Variants in DMD observed in about 807,000 individuals in gnomAD.
The protein encoded by DMD is dystrophin.
In DMD, 63 loss-of-function variants were observed where a neutral mutation model predicts 330.1. The ratio of observed to expected loss-of-function variants is 0.19; its 90% CI spans 0.16 to 0.24. The LOEUF (loss-of-function observed/expected upper bound fraction) is 0.24, where lower values mean the gene tolerates loss of function less well. DMD is among the 10% of genes least tolerant of loss of function. The probability of loss-of-function intolerance (pLI) is 1.00; values close to 1 mark genes in which losing one functional copy is unlikely to be tolerated. For missense variants in DMD, 3,344 were observed against 2,684.1 expected (o/e 1.25, Z -5.43); for synonymous variants, 1,223 against 959.8 (o/e 1.27, Z -5.07).
chrX:31,961,804 C>T (rs1318851178), intron 45 of DMD, among the ~76,000 whole-genome samples: 1 of 77,776 alleles, frequency 1.3e-5, no homozygotes, highest in Admixed American at 1.8e-4. Context: ...AGCTGAAGAA[C>T]AGAAAACTTC....
intron 63 of DMD, among the ~76,000 whole-genome samples, chrX:31,257,924 G>T (rs1294621546): frequency 9.0e-6 from 1 of 111,631 alleles, no homozygotes; most frequent in African/African-American, 3.3e-5. Flanking sequence ...TCCAGCCTGG[G>T]TGACAGAGTG....
chrX:31,623,554 A>G (rs28417357), intron 55 of DMD, among the ~76,000 whole-genome samples: 42,995 of 111,066 alleles, frequency 0.39, 6,617 homozygotes, highest in African/African-American at 0.56. Flanking sequence ...GAGCCACCAC[A>G]CCCAATTTTA....
intron 74 of DMD, 26 bp from the exon 75 acceptor site, chrX:31,147,544 GAA>G: frequency 5.4e-6 from 5 of 930,767 alleles, no homozygotes; most frequent in Non-Finnish European, 7.1e-6. Flanking sequence ...AAGTAAAAAA[GAA>G]AAAAAAAGAA....
At chrX:31,922,075 A>G (rs2094697344) in intron 47 of DMD, among the ~76,000 whole-genome samples, 1 of 110,599 alleles carries the variant, frequency 9.0e-6, no homozygotes, top group Admixed American at 9.6e-5. Context: ...CTCTCCTTTC[A>G]CTTTAATGTT....
At chrX:32,057,117 C>T (rs2096182426) in intron 44 of DMD, among the ~76,000 whole-genome samples, 1 of 110,772 alleles carries the variant, frequency 9.0e-6, no homozygotes, top group African/African-American at 3.3e-5. Flanking sequence ...GAAATTACCG[C>T]AACATAATAA....
chrX:31,833,342 GGA>G (rs2093112809), intron 49 of DMD, among the ~76,000 whole-genome samples: 2 of 37,295 alleles, frequency 5.4e-5, no homozygotes, highest in Non-Finnish European at 9.8e-5. Flanking sequence ...GGGAGAGAGT[GGA>G]GAGGGAGGGA....
chrX:31,136,484 A>G (rs1238854813), intron 76 of DMD, among the ~76,000 whole-genome samples: 1 of 112,154 alleles, frequency 8.9e-6, no homozygotes, highest in East Asian at 2.8e-4. Flanking sequence ...TACTGATGCA[A>G]ATTTTTGCGG....
chrX:33,211,570 C>T (rs1340523201), upstream of DMD: 4 of 1,010,225 alleles, frequency 4.0e-6, no homozygotes, highest in East Asian at 4.0e-5. Context: ...TGTAGAGGCC[C>T]CCGGATATTT....
At position 33,269,094 on chromosome X, in the gene DMD, C is replaced by A. The variant is rs772804549; in HGVS notation, c.7+70165G>T. The stretch of plus-strand genomic sequence containing the variant: ...CAGCAATCCCATTACTGAGTATATA[C>A]CCAAAGGAAAATAGATCATTTTATC... On this transcript the variant is annotated intron_variant, in intron 1 of 17. Coordinates refer to the DMD transcript ENST00000288447. Among the ~76,000 whole-genome samples, 16 of 110,444 alleles carry A rather than the reference C, an allele frequency of 1.4e-4. No individual in the cohort carries two copies. The South Asian group carries it at 6.2e-3, about 43-fold the overall frequency.
chrX:32,655,797 G>C (rs769514049), intron 9 of DMD, among the ~76,000 whole-genome samples: 1 of 111,042 alleles, frequency 9.0e-6, no homozygotes, highest in Non-Finnish European at 1.9e-5. Context: ...GGTCTATAAG[G>C]ACTTGCTTTA....
At chrX:33,205,684 AG>A (rs2051526949) in intron 1 of DMD, among the ~76,000 whole-genome samples, 1 of 112,358 alleles carries the variant, frequency 8.9e-6, no homozygotes, top group Non-Finnish European at 1.9e-5. Flanking sequence ...AGCCAAGAAG[AG>A]GGTAAAAACA....
At chrX:31,742,452 A>G (rs1228761964) in intron 51 of DMD, among the ~76,000 whole-genome samples, 2 of 112,070 alleles carry the variant, frequency 1.8e-5, no homozygotes, top group Non-Finnish European at 3.8e-5. Flanking sequence ...TGACTGGCAT[A>G]ATTTCAATAT....
intron 44 of DMD, among the ~76,000 whole-genome samples, chrX:31,993,588 G>T (rs1255050991): frequency 9.0e-6 from 1 of 111,492 alleles, no homozygotes; most frequent in South Asian, 3.8e-4. Context: ...TTTTGAGACT[G>T]TATTATGTGA....
At chrX:32,820,162 G>A (rs781755951) in intron 5 of DMD, among the ~76,000 whole-genome samples, 2 of 112,555 alleles carry the variant, frequency 1.8e-5, no homozygotes, top group Non-Finnish European at 3.8e-5. Context: ...AAAATGGGCT[G>A]GGTGCGGTGG....
At chrX:32,379,711 T>A (rs2097917312) in intron 34 of DMD, among the ~76,000 whole-genome samples, 1 of 111,471 alleles carries the variant, frequency 9.0e-6, no homozygotes, top group Non-Finnish European at 1.9e-5. Context: ...TATTGAAAAT[T>A]TCCCAACTTT....
rs772957337 is a variant in DMD at position 32,463,447 on chromosome X, A to G, written c.3424T>C (p.Cys1142Arg). ...KELNTQWDHM[C>R]QQVYARKEAL... ...AAAGAGATTGTCTATACCTGTTGGC[A>G]CATGTGATCCCACTGAGTGTTAAGT... The change falls in exon 25 of 79, where the codon TGC becomes CGC. Residue 1142 changes from cysteine to arginine, a missense_variant. Cys to Arg is a radical substitution (Grantham distance 180, BLOSUM62 -3). Coordinates refer to ENST00000357033, the MANE Select transcript of DMD (RefSeq NM_004006.3). 6 of 1,207,552 alleles carry G rather than the reference A, an allele frequency of 5.0e-6. No individual in the cohort carries two copies. Among genetic ancestry groups the G allele is most frequent in the Non-Finnish European group, 6.7e-6 (6 of 893,388 alleles).
At chrX:33,173,000 T>A (rs1258146456) in intron 1 of DMD, among the ~76,000 whole-genome samples, 1 of 111,577 alleles carries the variant, frequency 9.0e-6, no homozygotes, top group Non-Finnish European at 1.9e-5. Flanking sequence ...TTAACAAATT[T>A]TTTTTACATT....
chrX:31,416,391 G>T (rs906148615), intron 60 of DMD, among the ~76,000 whole-genome samples: 1 of 112,236 alleles, frequency 8.9e-6, no homozygotes, highest in African/African-American at 3.2e-5. Context: ...ATATTTTAAT[G>T]ACATCCCCTA....
intron 12 of DMD, among the ~76,000 whole-genome samples, chrX:32,606,626 C>A (rs1199097369): frequency 9.2e-6 from 1 of 108,590 alleles, no homozygotes; most frequent in Non-Finnish European, 1.9e-5. Context: ...TATCATAGCA[C>A]TATTTACAAT....
Sources: gnomAD v4.1 joint callset for allele counts (sites outside exome capture counted in the v4.1 genomes callset) on GRCh38, gnomAD v4.1.1 for gene constraint, MANE v1.5 for transcripts, NCBI Gene and HGNC (gene_info 2026-07-23, HGNC 2026-07-21) for gene names.